PDS5A: variants seen among roughly 807,000 people sequenced by gnomAD.
The protein encoded by PDS5A is PDS5 cohesin associated factor A, also known as sister chromatid cohesion protein PDS5 homolog A.
PDS5A carries 42 observed loss-of-function variants against 167.1 expected under a neutral mutation model. The ratio of observed to expected loss-of-function variants is 0.25; its 90% CI spans 0.20 to 0.33. PDS5A has a LOEUF of 0.33. Among genes scored for constraint, PDS5A ranks in the 10% least tolerant of loss-of-function variants. The pLI is 1.00. For missense variants in PDS5A, 1,033 were observed against 1,605.9 expected, an observed-to-expected ratio of 0.64 and a Z score of 6.10; for synonymous variants, 553 against 554.6, an observed-to-expected ratio of 1.00 and a Z score of 0.04.
At chr4:39,839,501 G>A (rs574877719) in intron 31 of PDS5A, among the ~76,000 whole-genome samples, 6 of 151,538 alleles carry the variant, frequency 4.0e-5, no homozygotes, top group East Asian at 2.0e-4. Context: ...CCCAGGAGGC[G>A]GAGGTTGCAG....
Position 39,874,343 on chromosome 4 carries a change from G to A in PDS5A, c.2223C>T (p.His741=). ...GTPHQAKQAV[H]CIHAIFTNKE... is the part of the protein sequence containing the mutation. Reference sequence around the variant, plus strand: ...TATTTGTGAATATGGCGTGTATACAGTGCACAGCCTGTTTTGCTTGGTGTG... The same window carrying A: ...TATTTGTGAATATGGCGTGTATACAATGCACAGCCTGTTTTGCTTGGTGTG... Residue 741 remains histidine (H), a synonymous_variant, in exon 20 of 33, where the codon CAC becomes CAT. Transcript: ENST00000303538. The A allele has an allele frequency of 6.2e-7, 1 of 1,612,842 alleles. No homozygotes were observed. Among genetic ancestry groups the A allele is most frequent in the Non-Finnish European group, 8.5e-7 (1 of 1,178,918 alleles).
chr4:39,935,346 C>T (rs1011692099), intron 2 of PDS5A, among the ~76,000 whole-genome samples: 1 of 152,242 alleles, frequency 6.6e-6, no homozygotes, highest in Non-Finnish European at 1.5e-5. Context: ...GATCTACCCG[C>T]CTTGGCCTCC....
chr4:39,923,734 A>G (rs1725225856), intron 5 of PDS5A, among the ~76,000 whole-genome samples: 1 of 151,974 alleles, frequency 6.6e-6, no homozygotes, highest in Admixed American at 6.6e-5. Flanking sequence ...AGGTGATAAA[A>G]TTTTAAGGAA....
At chr4:39,832,507 C>CA (rs1715998615) in intron 32 of PDS5A, among the ~76,000 whole-genome samples, 1 of 151,798 alleles carries the variant, frequency 6.6e-6, no homozygotes, top group Non-Finnish European at 1.5e-5. Flanking sequence ...GTTCCTGGCT[C>CA]AAAATTTTTT....
chr4:39,912,840 T>C (rs1481283353), intron 9 of PDS5A, among the ~76,000 whole-genome samples: 1 of 152,206 alleles, frequency 6.6e-6, no homozygotes, highest in African/African-American at 2.4e-5. Context: ...TTAAAAACTA[T>C]CTGAGTTAAT....
Position 39,948,499 on chromosome 4 carries a change from A to T in PDS5A, c.139-20335T>A, listed in dbSNP as rs1424294895. On this transcript the variant is annotated intron_variant, in intron 2 of 32. Transcript: ENST00000303538. ...ACCACCAGGCCCTGCTAATTTTTGT[A>T]TTTTTAGTAGAGATGGGGTTTTACC... Among the ~76,000 whole-genome samples, 4 of 150,636 alleles carry T rather than the reference A, an allele frequency of 2.7e-5. No homozygotes were observed. The East Asian group carries it at 7.8e-4, about 29-fold the overall frequency.
At chr4:39,836,079 G>T (rs760762705) in intron 32 of PDS5A, among the ~76,000 whole-genome samples, 1 of 152,170 alleles carries the variant, frequency 6.6e-6, no homozygotes, top group Non-Finnish European at 1.5e-5. Flanking sequence ...ACAGTTGGGC[G>T]TTTATTTTGT....
At chr4:39,915,817 A>T in intron 8 of PDS5A, among the ~76,000 whole-genome samples, 1 of 152,234 alleles carries the variant, frequency 6.6e-6, no homozygotes, top group East Asian at 1.9e-4. Context: ...TGGAAATTTT[A>T]TTCTAATAGC....
intron 2 of PDS5A, among the ~76,000 whole-genome samples, chr4:39,949,515 T>C (rs1728120434): frequency 6.6e-6 from 1 of 151,858 alleles, no homozygotes; most frequent in South Asian, 2.1e-4. Flanking sequence ...AGGGACTTCA[T>C]TTTGAGATGA....
chr4:39,942,725 A>G lies in PDS5A; in HGVS notation c.139-14561T>C, dbSNP rs75596635. ...ACAGGTATGAGTTACTACACCGTCA[A>G]CTTCCTCTTCTGAAGGGATCATTGA... is the stretch of plus-strand genomic sequence containing the variant. On this transcript the variant is annotated intron_variant, in intron 2 of 32. Transcript: ENST00000303538. 8.4e-4 allele frequency among the ~76,000 whole-genome samples: 128 copies of G among 152,258 alleles called. 1 individual carries two copies. In the East Asian group the frequency reaches 0.021, roughly 25 times the overall value.
intron 2 of PDS5A, among the ~76,000 whole-genome samples, chr4:39,957,491 A>C (rs1053252362): frequency 2.6e-5 from 4 of 152,172 alleles, no homozygotes; most frequent in Admixed American, 2.6e-4. Context: ...AGACAGCATC[A>C]ATTAGAAATG....
At chr4:39,914,366 T>C (rs910022682) in intron 8 of PDS5A, among the ~76,000 whole-genome samples, 3 of 151,930 alleles carry the variant, frequency 2.0e-5, no homozygotes, top group Admixed American at 6.6e-5. Context: ...TTCACCATCT[T>C]GGCCAGGCTG....
At chr4:39,954,120 T>C (rs1728674662) in intron 2 of PDS5A, among the ~76,000 whole-genome samples, 1 of 151,698 alleles carries the variant, frequency 6.6e-6, no homozygotes, top group East Asian at 1.9e-4. Flanking sequence ...GTGGGAGGAC[T>C]GCTAGAGCCT....
At chr4:39,975,278 T>C (rs1238917129) in intron 2 of PDS5A, among the ~76,000 whole-genome samples, 1 of 152,130 alleles carries the variant, frequency 6.6e-6, no homozygotes, top group Non-Finnish European at 1.5e-5. Context: ...TGTTGTCTTA[T>C]TCCTTCCAAA....
chr4:39,931,483 G>C (rs1400054462), intron 2 of PDS5A, among the ~76,000 whole-genome samples: 1 of 152,134 alleles, frequency 6.6e-6, no homozygotes, highest in African/African-American at 2.4e-5. Context: ...GCAGTTATCT[G>C]AAGGCTTGAC....
intron 10 of PDS5A, chr4:39,908,857 TC>T: frequency 4.6e-6 from 1 of 216,598 alleles, no homozygotes; most frequent in Non-Finnish European, 9.1e-6. Flanking sequence ...CAAAACCCCG[TC>T]TCTACGAAAA....
Position 39,874,334 on chromosome 4 carries a change from G to A in PDS5A, c.2232C>T (p.His744=), listed in dbSNP as rs749197774. 14 of 1,612,602 alleles carry A rather than the reference G, an allele frequency of 8.7e-6. No individual in the cohort carries two copies. Among genetic ancestry groups the A allele is most frequent in the East Asian group, 2.2e-5 (1 of 44,842 alleles). ...HQAKQAVHCI[H]AIFTNKEVQL... ...GGACTTCTTTATTTGTGAATATGGC[G>A]TGTATACAGTGCACAGCCTGTTTTG... The change falls in exon 20 of 33, where the codon CAC becomes CAT. Residue 744 remains histidine (H), a synonymous_variant. Transcript: ENST00000303538.
chr4:39,879,908 T>C lies in PDS5A; in HGVS notation c.1887-75A>G. 5.0e-6 allele frequency: 4 copies of C among 797,334 alleles called. No homozygotes were observed. The South Asian group carries it at 5.3e-5, about 11-fold the overall frequency. 49.4% of individuals were successfully genotyped at this position (797,334 alleles called of 1,614,324 possible). On this transcript the variant is annotated intron_variant, in intron 17 of 32. Coordinates refer to ENST00000303538, the MANE Select transcript of PDS5A (RefSeq NM_001100399.2). The stretch of plus-strand genomic sequence containing the variant: ...ATCCTAATCACACTGTGACAGAACA[T>C]ATATAGAACCTTAAAATATTAAATT...
chr4:39,969,759 T>C (rs942055693), intron 2 of PDS5A, among the ~76,000 whole-genome samples: 1 of 151,930 alleles, frequency 6.6e-6, no homozygotes, highest in Admixed American at 6.6e-5. Flanking sequence ...TCAGTATTAA[T>C]ACAAAATATT....
Sources: gnomAD v4.1 joint callset for allele counts (sites outside exome capture counted in the v4.1 genomes callset) on GRCh38, gnomAD v4.1.1 for gene constraint, MANE v1.5 for transcripts, NCBI Gene and HGNC (gene_info 2026-07-23, HGNC 2026-07-21) for gene names.